Variants in ANTXR2 observed in about 807,000 individuals in gnomAD.
ANTXR2 encodes anthrax toxin receptor 2.
Under a neutral mutation model 73.7 loss-of-function variants are expected in ANTXR2, and 44 were observed. The observed-to-expected ratio is 0.60, with a 90% CI of 0.47 to 0.77. ANTXR2 has a LOEUF of 0.77. Among genes scored for constraint, ANTXR2 ranks in the 30% least tolerant of loss-of-function variants. ANTXR2 has a pLI of 0.00. For synonymous variants in ANTXR2, 217 were observed against 205.9 expected, an observed-to-expected ratio of 1.05 and a Z score of -0.46; for missense variants, 604 against 592.5, an observed-to-expected ratio of 1.02 and a Z score of -0.20.
At chr4:79,933,740 T>TTG (rs1329287484) in intron 16 of ANTXR2, among the ~76,000 whole-genome samples, 3 of 119,148 alleles carry the variant, frequency 2.5e-5, no homozygotes, top group South Asian at 6.5e-4. Flanking sequence ...TGTTTGTTTT[T>TTG]TTTTTTTTTT....
intron 2 of ANTXR2, among the ~76,000 whole-genome samples, chr4:80,070,899 A>T (rs1437307747): frequency 1.3e-5 from 2 of 152,206 alleles, no homozygotes; most frequent in Admixed American, 6.5e-5. Flanking sequence ...AAAAAGCCTC[A>T]AAAGCCTAGT....
intron 12 of ANTXR2, among the ~76,000 whole-genome samples, chr4:79,997,793 T>C (rs1277638855): frequency 6.6e-6 from 1 of 151,884 alleles, no homozygotes; most frequent in Non-Finnish European, 1.5e-5. Flanking sequence ...AGGAGTTAAG[T>C]AAAGGTGCTT....
chr4:79,911,581 T>C (rs1727140050), intron 16 of ANTXR2, among the ~76,000 whole-genome samples: 1 of 151,910 alleles, frequency 6.6e-6, no homozygotes, highest in South Asian at 2.1e-4. Flanking sequence ...AACATTTTAA[T>C]ATGCCAAAAT....
chr4:80,069,738 G>C (rs1047057363), intron 2 of ANTXR2, among the ~76,000 whole-genome samples: 2 of 152,126 alleles, frequency 1.3e-5, no homozygotes, highest in Non-Finnish European at 2.9e-5. Flanking sequence ...TGACCCATAA[G>C]GACTTGCATT....
intron 16 of ANTXR2, among the ~76,000 whole-genome samples, chr4:79,911,591 T>C (rs941581504): frequency 6.6e-6 from 1 of 151,796 alleles, no homozygotes; most frequent in African/African-American, 2.4e-5. Context: ...TATGCCAAAA[T>C]AGAGGAACAT....
At chr4:80,006,894 A>G (rs1731326367) in intron 12 of ANTXR2, among the ~76,000 whole-genome samples, 2 of 152,210 alleles carry the variant, frequency 1.3e-5, no homozygotes, top group South Asian at 4.1e-4. Context: ...AGTTTAAATT[A>G]AAAAACCAAG....
intron 7 of ANTXR2, among the ~76,000 whole-genome samples, chr4:80,048,634 G>A (rs1733630504): frequency 6.6e-6 from 1 of 151,646 alleles, no homozygotes; most frequent in African/African-American, 2.4e-5. Flanking sequence ...CTTAAGCTAA[G>A]GTATTATCAG....
chr4:80,068,438 T>C (rs971104366), intron 3 of ANTXR2, among the ~76,000 whole-genome samples: 23 of 152,124 alleles, frequency 1.5e-4, no homozygotes, highest in Admixed American at 5.9e-4. Flanking sequence ...AAATGAAGAA[T>C]AAAAGCTCCC....
chr4:80,012,152 G>A (rs1389190436), intron 11 of ANTXR2, among the ~76,000 whole-genome samples: 1 of 152,230 alleles, frequency 6.6e-6, no homozygotes, highest in Middle Eastern at 3.4e-3. Context: ...GACACAGAAC[G>A]GGGAAAATGG....
At chr4:79,981,451 T>G (rs1227497417) in intron 14 of ANTXR2, among the ~76,000 whole-genome samples, 2 of 152,228 alleles carry the variant, frequency 1.3e-5, no homozygotes, top group Non-Finnish European at 2.9e-5. Context: ...TTATGGTATA[T>G]TTTAAATTCA....
At chr4:79,975,970 T>C (rs1729611434) in intron 16 of ANTXR2, among the ~76,000 whole-genome samples, 1 of 149,540 alleles carries the variant, frequency 6.7e-6, no homozygotes, top group Non-Finnish European at 1.5e-5. Flanking sequence ...TGGAGTGCAG[T>C]GGCAAGATCT....
chr4:80,055,897 T>C lies in ANTXR2; in HGVS notation c.378+35A>G, dbSNP rs1176882112. The C allele has an allele frequency of 2.9e-6, 4 of 1,374,700 alleles. No individual in the cohort carries two copies. The South Asian group carries it at 5.5e-5, about 19-fold the overall frequency. The allele number at this position is 1,374,700 out of a possible 1,614,324, so 85.2% of individuals were successfully genotyped here. ...TATTTCACCACAGAATAAGAAAGCA[T>C]TCTCTCCCATATTTACAAATGTAAA... On this transcript the variant is annotated intron_variant, in intron 4 of 16. Coordinates refer to ENST00000403729, the MANE Select transcript of ANTXR2 (RefSeq NM_058172.6).
At chr4:79,945,997 A>C (rs1464564410) in intron 16 of ANTXR2, among the ~76,000 whole-genome samples, 1 of 152,186 alleles carries the variant, frequency 6.6e-6, no homozygotes, top group Non-Finnish European at 1.5e-5. Context: ...TTTGAATTAT[A>C]ATTGTAAGCA....
chr4:79,997,218 C>T (rs750450211), intron 12 of ANTXR2, among the ~76,000 whole-genome samples: 1 of 151,500 alleles, frequency 6.6e-6, no homozygotes, highest in Non-Finnish European at 1.5e-5. Context: ...TTCCAATATT[C>T]AGAAAAGAGT....
chr4:80,024,702 C>T (rs770354026), intron 10 of ANTXR2: 19 of 453,668 alleles, frequency 4.2e-5, no homozygotes, highest in South Asian at 3.0e-4. Flanking sequence ...GCCAAAAGTA[C>T]AGTGAGTCAG....
At chr4:79,996,704 T>C (rs1223938645) in intron 12 of ANTXR2, among the ~76,000 whole-genome samples, 2 of 151,982 alleles carry the variant, frequency 1.3e-5, no homozygotes, top group East Asian at 3.9e-4. Flanking sequence ...AAGAAAGATT[T>C]ACTGTTAGTA....
chr4:80,037,901 A>G (rs1343442409), intron 7 of ANTXR2, among the ~76,000 whole-genome samples: 4 of 152,132 alleles, frequency 2.6e-5, no homozygotes, highest in Admixed American at 2.6e-4. Context: ...GTTAAAGGAA[A>G]ACACAAAACC....
At position 79,907,414 on chromosome 4, in the gene ANTXR2, C is replaced by A; in HGVS notation, c.*15G>T. 6.2e-7 allele frequency: 1 copy of A among 1,611,516 alleles called. No individual in the cohort carries two copies. The highest frequency in any genetic ancestry group is 8.5e-7 in the Non-Finnish European group (1 of 1,178,428). On this transcript the variant is annotated 3_prime_UTR_variant, in exon 17 of 17. Coordinates refer to ENST00000403729, the MANE Select transcript of ANTXR2 (RefSeq NM_058172.6). Reference sequence around the variant, plus strand: ...TGTGCCATCTTCGTACCTTCTTGGTCTTCCTGCTTCCCTTTTACTGAGATG... The same window carrying A: ...TGTGCCATCTTCGTACCTTCTTGGTATTCCTGCTTCCCTTTTACTGAGATG...
At chr4:79,975,764 G>A (rs1395469417) in intron 16 of ANTXR2, among the ~76,000 whole-genome samples, 1 of 152,144 alleles carries the variant, frequency 6.6e-6, no homozygotes, top group Non-Finnish European at 1.5e-5. Context: ...AATTTAAAAA[G>A]ATACAAATGT....
Sources: gnomAD v4.1 joint callset for allele counts (sites outside exome capture counted in the v4.1 genomes callset) on GRCh38, gnomAD v4.1.1 for gene constraint, MANE v1.5 for transcripts, NCBI Gene and HGNC (gene_info 2026-07-23, HGNC 2026-07-21) for gene names.